The following KCNJ3 variants were observed in gnomAD, a reference collection of about 807,000 sequenced individuals.
KCNJ3 encodes the protein potassium inwardly rectifying channel subfamily J member 3, also known as G protein-activated inward rectifier potassium channel 1.
Under a neutral mutation model 39.2 loss-of-function variants are expected in KCNJ3, and 4 were observed. The observed-to-expected ratio is 0.10, with a 90% CI of 0.05 to 0.23. The LOEUF (loss-of-function observed/expected upper bound fraction) is 0.23. Among genes scored for constraint, KCNJ3 ranks in the 10% least tolerant of loss-of-function variants. The probability of loss-of-function intolerance (pLI) is 1.00; values close to 1 mark genes in which losing one functional copy is unlikely to be tolerated. For missense variants in KCNJ3, 276 were observed against 634.9 expected, an observed-to-expected ratio of 0.43 and a Z score of 6.08; for synonymous variants, 230 against 237.4, an observed-to-expected ratio of 0.97 and a Z score of 0.29.
intron 2 of KCNJ3, among the ~76,000 whole-genome samples, chr2:154,715,393 C>T (rs1458959824): frequency 6.6e-6 from 1 of 152,200 alleles, no homozygotes; most frequent in Non-Finnish European, 1.5e-5. Context: ...CTCATGCTCA[C>T]TCTTGCCTCC....
intron 2 of KCNJ3, among the ~76,000 whole-genome samples, chr2:154,810,357 T>C (rs1686988146): frequency 6.6e-6 from 1 of 152,158 alleles, no homozygotes; most frequent in Admixed American, 6.6e-5. Flanking sequence ...GTGCTGGGAT[T>C]ACAGGCATGA....
Position 154,837,525 on chromosome 2 carries a change from T to C in KCNJ3, c.920-17202T>C, listed in dbSNP as rs377444363. 7.9e-5 allele frequency among the ~76,000 whole-genome samples: 12 copies of C among 152,296 alleles called. No individual in the cohort carries two copies. In the East Asian group the frequency reaches 1.5e-3, roughly 20 times the overall value. ...GGAGTGGTGGTGAAGTAGATTGGTATAGTAATGGGAATGGAAGACTTTTAT... is the reference window on the plus strand; with the variant it reads ...GGAGTGGTGGTGAAGTAGATTGGTACAGTAATGGGAATGGAAGACTTTTAT... On this transcript the variant is annotated intron_variant, in intron 2 of 2. Coordinates refer to ENST00000295101, the MANE Select transcript of KCNJ3 (RefSeq NM_002239.4).
At chr2:154,825,627 G>A (rs1420553767) in intron 2 of KCNJ3, among the ~76,000 whole-genome samples, 1 of 151,476 alleles carries the variant, frequency 6.6e-6, no homozygotes, top group Non-Finnish European at 1.5e-5. Flanking sequence ...CCAGACTGGA[G>A]TGCAATGGCA....
intron 2 of KCNJ3, among the ~76,000 whole-genome samples, chr2:154,735,396 G>A (rs928077580): frequency 3.3e-5 from 5 of 151,906 alleles, no homozygotes; most frequent in African/African-American, 1.2e-4. Context: ...TTACAGGCGT[G>A]AGCCACGGAG....
chr2:154,822,556 A>G (rs945511789), intron 2 of KCNJ3, among the ~76,000 whole-genome samples: 1 of 152,192 alleles, frequency 6.6e-6, no homozygotes, highest in African/African-American at 2.4e-5. Flanking sequence ...AGTTTAGTTA[A>G]TGTAGTTGGC....
At chr2:154,755,160 C>T (rs1279867901) in intron 2 of KCNJ3, among the ~76,000 whole-genome samples, 1 of 151,856 alleles carries the variant, frequency 6.6e-6, no homozygotes, top group Non-Finnish European at 1.5e-5. Context: ...GAGAGTTTTC[C>T]ACATTTTTAA....
intron 2 of KCNJ3, among the ~76,000 whole-genome samples, chr2:154,724,863 G>T (rs1316597245): frequency 1.5e-5 from 2 of 137,636 alleles, no homozygotes; most frequent in Admixed American, 7.3e-5. Context: ...ATAAATATAA[G>T]AAAAATGTTA....
At chr2:154,739,228 A>G (rs1292653104) in intron 2 of KCNJ3, among the ~76,000 whole-genome samples, 2 of 152,060 alleles carry the variant, frequency 1.3e-5, no homozygotes, top group African/African-American at 2.4e-5. Flanking sequence ...GTCTTAAATT[A>G]CTACAGAGAA....
rs77201071 is a variant in KCNJ3 at position 154,772,415 on chromosome 2, T to G, written c.919+62596T>G. Among the ~76,000 whole-genome samples the G allele has an allele frequency of 6.6e-5, 10 of 152,276 alleles. No individual in the cohort carries two copies. In the East Asian group the frequency reaches 1.9e-3, roughly 29 times the overall value. On this transcript the variant is annotated intron_variant, in intron 2 of 2. Transcript: ENST00000295101. ...TTCTTTTTTTATCTCAGTTCTTTTTTTAATTTGCTACATACTTTGGAATAT... is the reference window on the plus strand; with the variant it reads ...TTCTTTTTTTATCTCAGTTCTTTTTGTAATTTGCTACATACTTTGGAATAT...
Position 154,698,737 on chromosome 2 carries a change from C to A in KCNJ3, c.-39C>A, listed in dbSNP as rs2105142316. On this transcript the variant is annotated 5_prime_UTR_variant, in exon 1 of 3. Coordinates refer to ENST00000295101, the MANE Select transcript of KCNJ3 (RefSeq NM_002239.4). ...AGTTTGCAGCGCCCAGCTCCTGCGC[C>A]TTCGCTTCGCGTTTGAATCTGGCTC... The A allele has an allele frequency of 6.7e-7, 1 of 1,495,486 alleles. No individual in the cohort carries two copies. Among genetic ancestry groups the A allele is most frequent in the Non-Finnish European group, 9.2e-7 (1 of 1,086,704 alleles). The allele number at this position is 1,495,486 out of a possible 1,614,324, so 92.6% of individuals were successfully genotyped here.
intron 2 of KCNJ3, among the ~76,000 whole-genome samples, chr2:154,837,371 A>G (rs1028510173): frequency 6.7e-6 from 1 of 148,794 alleles, no homozygotes; most frequent in Non-Finnish European, 1.5e-5. Context: ...TTCAAAGTCA[A>G]TTTTTGAGTT....
intron 2 of KCNJ3, among the ~76,000 whole-genome samples, chr2:154,731,542 A>G (rs998446868): frequency 3.9e-5 from 6 of 152,040 alleles, no homozygotes; most frequent in African/African-American, 1.4e-4. Flanking sequence ...CAAGTTAAGT[A>G]CATATTTGAG....
chr2:154,776,785 A>C (rs1038959308), intron 2 of KCNJ3, among the ~76,000 whole-genome samples: 12 of 152,184 alleles, frequency 7.9e-5, no homozygotes, highest in African/African-American at 2.7e-4. Context: ...GACATTTAGC[A>C]GTGTTCCCAA....
chr2:154,842,424 G>C (rs770161675), intron 2 of KCNJ3, among the ~76,000 whole-genome samples: 2 of 152,166 alleles, frequency 1.3e-5, no homozygotes, highest in African/African-American at 4.8e-5. Flanking sequence ...CTGTTTATTT[G>C]GGGTGGAGAG....
intron 2 of KCNJ3, among the ~76,000 whole-genome samples, chr2:154,777,694 T>A (rs1246547869): frequency 6.6e-6 from 1 of 152,076 alleles, no homozygotes; most frequent in East Asian, 1.9e-4. Flanking sequence ...AATGTTTTAA[T>A]TTTTTTTCTT....
intron 2 of KCNJ3, among the ~76,000 whole-genome samples, chr2:154,776,909 TG>T (rs60000160): frequency 0.11 from 16,938 of 151,610 alleles, 1,065 homozygotes; most frequent in East Asian, 0.19. Flanking sequence ...TTAAGAAGAG[TG>T]GAATTATGTT....
intron 1 of KCNJ3, among the ~76,000 whole-genome samples, chr2:154,707,418 T>C (rs926335659): frequency 3.9e-5 from 6 of 152,114 alleles, no homozygotes; most frequent in East Asian, 1.9e-4. Context: ...TTATTCCAAG[T>C]TGTCATCCTC....
intron 2 of KCNJ3, among the ~76,000 whole-genome samples, chr2:154,732,804 T>C (rs1395269655): frequency 6.6e-6 from 1 of 152,170 alleles, no homozygotes; most frequent in Non-Finnish European, 1.5e-5. Flanking sequence ...TCTGGCAAGA[T>C]ATCATTCAAA....
At chr2:154,759,339 G>A (rs550099836) in intron 2 of KCNJ3, among the ~76,000 whole-genome samples, 29 of 147,096 alleles carry the variant, frequency 2.0e-4, no homozygotes, top group African/African-American at 7.2e-4. Flanking sequence ...ATTGATAATG[G>A]TTTTAGAAGT....
Sources: gnomAD v4.1 joint callset for allele counts (sites outside exome capture counted in the v4.1 genomes callset) on GRCh38, gnomAD v4.1.1 for gene constraint, MANE v1.5 for transcripts, NCBI Gene and HGNC (gene_info 2026-07-23, HGNC 2026-07-21) for gene names.